ATM: variants seen among roughly 807,000 people sequenced by gnomAD.
The protein encoded by ATM is serine-protein kinase ATM.
ATM carries 308 observed loss-of-function variants against 387.0 expected under a neutral mutation model. The observed-to-expected ratio is 0.80, with a 90% CI of 0.73 to 0.87. The LOEUF (loss-of-function observed/expected upper bound fraction) is 0.87, where lower values mean the gene tolerates loss of function less well. ATM is among the 40% of genes least tolerant of loss of function. ATM has a pLI of 0.00. For synonymous variants in ATM, 1,156 were observed against 1,187.3 expected (o/e 0.97, Z 0.54); for missense variants, 3,312 against 3,560.9 (o/e 0.93, Z 1.78).
At chr11:108,228,575 C>T (rs766490651) in intron 3 of ATM, among the ~76,000 whole-genome samples, 24 of 152,276 alleles carry the variant, frequency 1.6e-4, no homozygotes, top group Middle Eastern at 3.4e-3. Context: ...ATGACAGATT[C>T]TGTTTTATTT....
chr11:108,351,826 A>G (rs1277594433), intron 59 of ATM, among the ~76,000 whole-genome samples: 1 of 152,188 alleles, frequency 6.6e-6, no homozygotes. Flanking sequence ...GGCCTTTGCA[A>G]TGTATCATTT....
At chr11:108,227,092 G>C (rs1011323694) in intron 1 of ATM, 1 of 155,266 alleles carries the variant, frequency 6.4e-6, no homozygotes, top group Non-Finnish European at 1.4e-5. Context: ...TTGGCTCACT[G>C]AAAGCTCTGC....
intron 3 of ATM, among the ~76,000 whole-genome samples, chr11:108,228,712 G>C (rs2078861426): frequency 6.6e-6 from 1 of 152,164 alleles, no homozygotes; most frequent in Non-Finnish European, 1.5e-5. Context: ...ACAACCTGAA[G>C]ATGAATACTA....
chr11:108,360,496 AAG>A (rs1200539513), intron 61 of ATM, among the ~76,000 whole-genome samples: 57 of 126,256 alleles, frequency 4.5e-4, no homozygotes, highest in African/African-American at 1.1e-3. Context: ...ACAACCAAAA[AAG>A]AGAATTTTAG....
intron 56 of ATM, among the ~76,000 whole-genome samples, chr11:108,338,556 A>G (rs1380158622): frequency 2.0e-5 from 3 of 152,142 alleles, no homozygotes; most frequent in African/African-American, 4.8e-5. Context: ...TCAAGAAGCT[A>G]AAGCGTGAGG....
At chr11:108,259,338 A>C (rs2080719433) in intron 16 of ATM, among the ~76,000 whole-genome samples, 1 of 151,976 alleles carries the variant, frequency 6.6e-6, no homozygotes, top group South Asian at 2.1e-4. Flanking sequence ...AAATACTAAA[A>C]ATTAGCCAGG....
intron 45 of ATM, among the ~76,000 whole-genome samples, chr11:108,322,240 C>T (rs767711399): frequency 6.6e-6 from 1 of 151,928 alleles, no homozygotes; most frequent in South Asian, 2.1e-4. Flanking sequence ...CTGCAGTCTC[C>T]ACCTCCCAGG....
chr11:108,242,660 T>G lies in ATM; in HGVS notation c.497-1293T>G, dbSNP rs190078365. Among the ~76,000 whole-genome samples the G allele has an allele frequency of 1.2e-3, 178 of 152,164 alleles. 1 individual carries two copies. Among genetic ancestry groups the G allele is most frequent in the African/African-American group, 4.0e-3 (165 of 41,526 alleles). On this transcript the variant is annotated intron_variant, in intron 5 of 62. Transcript: ENST00000675843. ...GGATCATCTAAGGTCAGATGATGGCTTCCTCTAAAACAGGACAGATTTACT... is the reference window on the plus strand; with the variant it reads ...GGATCATCTAAGGTCAGATGATGGCGTCCTCTAAAACAGGACAGATTTACT...
At chr11:108,314,369 G>C (rs972724058) in intron 40 of ATM, among the ~76,000 whole-genome samples, 1 of 152,076 alleles carries the variant, frequency 6.6e-6, no homozygotes, top group Admixed American at 6.5e-5. Flanking sequence ...GCTACCCAAA[G>C]TACTGGGATT....
At chr11:108,269,686 T>C (rs1393600575) in intron 18 of ATM, among the ~76,000 whole-genome samples, 1 of 152,214 alleles carries the variant, frequency 6.6e-6, no homozygotes, top group Non-Finnish European at 1.5e-5. Context: ...TCCTAGGTCA[T>C]GTCCCCAGTT....
At chr11:108,232,475 A>G (rs1022960357) in intron 4 of ATM, among the ~76,000 whole-genome samples, 9 of 151,908 alleles carry the variant, frequency 5.9e-5, no homozygotes, top group African/African-American at 2.2e-4. Flanking sequence ...GTAAAAAAGA[A>G]GTAAAAGGCA....
At chr11:108,335,217 T>TA (rs756194438) in intron 55 of ATM, 108 bp downstream of exon 55, 5 of 1,578,010 alleles carry the variant, frequency 3.2e-6, no homozygotes, top group Admixed American at 3.5e-5. Context: ...TTTGAATACT[T>TA]ACAAATGAGG....
In ATM at chr11:108,319,946, T is replaced by C. The variant is rs730881292; in HGVS notation, c.6348-8T>C. 291 of 1,591,246 alleles carry C rather than the reference T, an allele frequency of 1.8e-4. 3 individuals are homozygous for C. The Admixed American group carries it at 4.6e-3, about 25-fold the overall frequency. On this transcript the variant is annotated splice_region_variant and splice_polypyrimidine_tract_variant and intron_variant, in intron 43 of 62. Coordinates refer to ENST00000675843, the MANE Select transcript of ATM (RefSeq NM_000051.4). ...TAAGTATATTTTTTTCTTTGACTTA[T>C]CTCACAGCAAAGAAGTAGAAGGAAC... is the stretch of plus-strand genomic sequence containing the variant.
intron 50 of ATM, 129 bp from the exon 51 acceptor site, chr11:108,331,315 T>C: frequency 2.1e-6 from 3 of 1,452,912 alleles, no homozygotes; most frequent in South Asian, 1.5e-5. Flanking sequence ...GAAAACAATA[T>C]AGTTAGTGAA....
At chr11:108,324,150 C>G (rs1290517039) in intron 45 of ATM, among the ~76,000 whole-genome samples, 1 of 152,048 alleles carries the variant, frequency 6.6e-6, no homozygotes, top group Non-Finnish European at 1.5e-5. Flanking sequence ...TATGTATAAC[C>G]TGTGCACATT....
intron 18 of ATM, among the ~76,000 whole-genome samples, chr11:108,270,569 G>A (rs906505170): frequency 3.3e-5 from 5 of 152,162 alleles, no homozygotes; most frequent in Admixed American, 1.3e-4. Context: ...AGTTAAGGCT[G>A]TGGTACTGGG....
At chr11:108,267,051 C>T (rs768820860) in intron 16 of ATM, 120 bp from the exon 17 acceptor site, 29 of 1,012,774 alleles carry the variant, frequency 2.9e-5, no homozygotes, top group Non-Finnish European at 4.2e-5. Context: ...CTGGCTCTGC[C>T]TCCCAAATTG....
rs1555127024 is a variant in ATM at position 108,334,972 on chromosome 11, G to T, written c.8014G>T (p.Asp2672Tyr). Reference protein sequence around the residue: ...VVVPTMEIKVDHTGEYGNLVT... With the variant: ...VVVPTMEIKVYHTGEYGNLVT... ...ATCATGTTTATACTTTTATTAGGTG[G>T]ACCACACAGGAGAATATGGAAATCT... The change falls in exon 55 of 63, where the codon GAC (aspartate) becomes TAC (tyrosine). Residue 2672 changes from aspartate to tyrosine, a missense_variant. This residue lies in a region of ATM where 1,405 missense variants were observed against 1,604.4 expected (regional missense o/e 0.88). Transcript: ENST00000675843. 6.2e-7 allele frequency: 1 copy of T among 1,612,512 alleles called. No homozygotes were observed. The highest frequency in any genetic ancestry group is 8.5e-7 in the Non-Finnish European group (1 of 1,178,710).
chr11:108,363,151 T>G (rs894486422), intron 61 of ATM, among the ~76,000 whole-genome samples: 1 of 152,178 alleles, frequency 6.6e-6, no homozygotes, highest in African/African-American at 2.4e-5. Flanking sequence ...CCTTTCTGCC[T>G]TCAGCTTTAG....
Sources: gnomAD v4.1 joint callset for allele counts (sites outside exome capture counted in the v4.1 genomes callset) on GRCh38, gnomAD v4.1.1 for gene constraint, gnomAD v4.1.1 regional missense constraint, MANE v1.5 for transcripts, NCBI Gene and HGNC (gene_info 2026-07-23, HGNC 2026-07-21) for gene names.